Variants in SMCO4 observed in about 807,000 individuals in gnomAD.
SMCO4 encodes the protein single-pass membrane protein with coiled-coil domains 4, also known as single-pass membrane and coiled-coil domain-containing protein 4.
In SMCO4, 4 loss-of-function variants were observed where a neutral mutation model predicts 3.6. The ratio of observed to expected loss-of-function variants is 1.11; its 90% CI spans 0.54 to 2.53. SMCO4 has a LOEUF of 2.53. Ranked by LOEUF, SMCO4 falls within the 30% of genes most tolerant of loss-of-function variation. The pLI, the probability that SMCO4 is intolerant of heterozygous loss-of-function variation, is 0.02. For synonymous variants in SMCO4, 36 were observed against 35.3 expected, an observed-to-expected ratio of 1.02 and a Z score of -0.07; for missense variants, 70 against 80.8, an observed-to-expected ratio of 0.87 and a Z score of 0.51.
intron 1 of SMCO4, among the ~76,000 whole-genome samples, chr11:93,540,563 G>T (rs11020408): frequency 0.093 from 14,169 of 152,168 alleles, 1,005 homozygotes; most frequent in African/African-American, 0.19. Context: ...AACCCTGTAG[G>T]ATAGCTGAGA....
intron 1 of SMCO4, among the ~76,000 whole-genome samples, chr11:93,513,561 T>C (rs544127543): frequency 8.5e-5 from 13 of 152,226 alleles, no homozygotes; most frequent in African/African-American, 2.9e-4. Flanking sequence ...ATAGAGGTGA[T>C]GAGGGAGACG....
At chr11:93,552,394 C>A in the SMCO4 span, among the ~76,000 whole-genome samples, 1 of 150,342 alleles carries the variant, frequency 6.7e-6, no homozygotes, top group South Asian at 2.1e-4. Flanking sequence ...CCCACCTCGG[C>A]CTCCCAAAGT....
intron 2 of SMCO4, among the ~76,000 whole-genome samples, chr11:93,480,970 G>C (rs913098118): frequency 6.6e-6 from 1 of 152,074 alleles, no homozygotes; most frequent in Non-Finnish European, 1.5e-5. Flanking sequence ...CAAACATTAA[G>C]GTTCAGCAAA....
At chr11:93,498,828 C>T (rs991519021) in intron 2 of SMCO4, among the ~76,000 whole-genome samples, 2 of 152,094 alleles carry the variant, frequency 1.3e-5, no homozygotes, top group Non-Finnish European at 2.9e-5. Flanking sequence ...ATGAGTCATT[C>T]GAGAAACATT....
At chr11:93,548,459 GTTGTTGTT>G in the SMCO4 span, among the ~76,000 whole-genome samples, 3 of 152,178 alleles carry the variant, frequency 2.0e-5, no homozygotes, top group Admixed American at 6.5e-5. Context: ...AAAATCAACT[GTTGTTGTT>G]TTGTTGTTTC....
intron 1 of SMCO4, among the ~76,000 whole-genome samples, 199 bp from the exon 2 acceptor site, chr11:93,499,547 G>C (rs1324309692): frequency 6.6e-6 from 1 of 152,210 alleles, no homozygotes; most frequent in Non-Finnish European, 1.5e-5. Context: ...ATGTGTGCAT[G>C]TGCGTGATGG....
chr11:93,506,160 C>G (rs1948898945), intron 1 of SMCO4, among the ~76,000 whole-genome samples: 1 of 152,056 alleles, frequency 6.6e-6, no homozygotes, highest in African/African-American at 2.4e-5. Context: ...GATGAATGTT[C>G]CGGGTAGAGG....
intron 1 of SMCO4, among the ~76,000 whole-genome samples, chr11:93,500,788 G>A (rs1270343148): frequency 2.0e-5 from 3 of 152,244 alleles, no homozygotes; most frequent in African/African-American, 7.2e-5. Context: ...GCAGTCAGCT[G>A]GAAATTAAGT....
At chr11:93,553,379 G>A in the SMCO4 span, among the ~76,000 whole-genome samples, 4 of 152,200 alleles carry the variant, frequency 2.6e-5, no homozygotes, top group African/African-American at 9.7e-5. Flanking sequence ...TCCCAGAGCA[G>A]GAGTTCTTAA....
chr11:93,550,458 G>A, the SMCO4 span, among the ~76,000 whole-genome samples: 2 of 152,182 alleles, frequency 1.3e-5, no homozygotes, highest in South Asian at 2.1e-4. Flanking sequence ...TCAGGAGTTC[G>A]AGATCAGCCT....
chr11:93,531,287 G>A (rs1014685788), intron 1 of SMCO4, among the ~76,000 whole-genome samples: 1 of 152,164 alleles, frequency 6.6e-6, no homozygotes, highest in Non-Finnish European at 1.5e-5. Context: ...GGACTGACCT[G>A]AACTGAGAAA....
At chr11:93,502,294 C>T (rs975427711) in intron 1 of SMCO4, among the ~76,000 whole-genome samples, 3 of 152,070 alleles carry the variant, frequency 2.0e-5, no homozygotes, top group African/African-American at 7.2e-5. Flanking sequence ...CTAGCATTAC[C>T]CTGCTACTAA....
chr11:93,501,646 C>T lies in SMCO4; in HGVS notation c.-153-2298G>A, dbSNP rs144198331. ...CCTACCAAATAATCCAGGATGATCT[C>T]ATCTCAAGATCCTTACTTAGTCACA... is the stretch of plus-strand genomic sequence containing the variant. On this transcript the variant is annotated intron_variant, in intron 1 of 2. Transcript: ENST00000298966. Among the ~76,000 whole-genome samples the T allele has an allele frequency of 4.9e-4, 74 of 152,334 alleles. No individual in the cohort carries two copies. In the East Asian group the frequency reaches 0.013, roughly 27 times the overall value.
At chr11:93,502,396 C>T (rs894710109) in intron 1 of SMCO4, among the ~76,000 whole-genome samples, 1 of 152,090 alleles carries the variant, frequency 6.6e-6, no homozygotes, top group African/African-American at 2.4e-5. Flanking sequence ...ACTGGGGTGA[C>T]TTCACAAAGC....
chr11:93,481,901 C>A (rs1257166549), intron 2 of SMCO4, among the ~76,000 whole-genome samples: 1 of 152,224 alleles, frequency 6.6e-6, no homozygotes, highest in Non-Finnish European at 1.5e-5. Flanking sequence ...GGCTGGCTGG[C>A]TAGCAGTGCT....
intron 1 of SMCO4, among the ~76,000 whole-genome samples, chr11:93,525,891 T>A (rs1231317152): frequency 6.6e-6 from 1 of 152,122 alleles, no homozygotes; most frequent in Admixed American, 6.5e-5. Flanking sequence ...AGAAATTATC[T>A]CAGGATAGCT....
intron 1 of SMCO4, among the ~76,000 whole-genome samples, chr11:93,508,320 C>T (rs1948926844): frequency 6.6e-6 from 1 of 152,126 alleles, no homozygotes; most frequent in Admixed American, 6.5e-5. Flanking sequence ...ATGGTATGGA[C>T]AGATTTGCCT....
At chr11:93,499,913 A>T (rs527752920) in intron 1 of SMCO4, among the ~76,000 whole-genome samples, 159 of 152,352 alleles carry the variant, frequency 1.0e-3, no homozygotes, top group Non-Finnish European at 2.0e-3. Context: ...AGGACAGCCA[A>T]CAAATTAACT....
At chr11:93,543,994 T>C (rs1282891455), upstream of SMCO4, among the ~76,000 whole-genome samples, 1 of 152,194 alleles carries the variant, frequency 6.6e-6, no homozygotes, top group Non-Finnish European at 1.5e-5. Context: ...ATTCCCCACC[T>C]CGGACCAGCG....
Sources: gnomAD v4.1 joint callset for allele counts (sites outside exome capture counted in the v4.1 genomes callset) on GRCh38, gnomAD v4.1.1 for gene constraint, MANE v1.5 for transcripts, NCBI Gene and HGNC (gene_info 2026-07-23, HGNC 2026-07-21) for gene names.